MAML2: variants seen among roughly 807,000 people sequenced by gnomAD.
MAML2 encodes the protein mastermind like transcriptional coactivator 2, also known as mastermind-like protein 2.
In MAML2, 22 loss-of-function variants were observed where a neutral mutation model predicts 96.1. The ratio of observed to expected loss-of-function variants is 0.23; its 90% CI spans 0.16 to 0.33. The LOEUF is 0.33. Ranked by LOEUF, MAML2 falls within the 10% of genes least tolerant of loss-of-function variation. The probability of loss-of-function intolerance (pLI) is 1.00; values close to 1 mark genes in which losing one functional copy is unlikely to be tolerated. For synonymous variants in MAML2, 561 were observed against 521.3 expected (o/e 1.08, Z -1.04); for missense variants, 1,367 against 1,392.4 (o/e 0.98, Z 0.29).
rs561067751 is a variant in MAML2 at position 96,012,785 on chromosome 11, C to A, written c.2140-21062G>T. 1.8e-4 allele frequency among the ~76,000 whole-genome samples: 27 copies of A among 152,296 alleles called. 1 individual carries two copies. The South Asian group carries it at 5.6e-3, about 32-fold the overall frequency. On this transcript the variant is annotated intron_variant, in intron 2 of 4. Transcript: ENST00000524717. ...GAAGATACCTTCACTACTGTTTCTA[C>A]ATAAAAATAGCTTCTGTGTTGTCAA... is the stretch of plus-strand genomic sequence containing the variant.
At position 96,235,322 on chromosome 11, in the gene MAML2, A is replaced by G. The variant is rs542103249; in HGVS notation, c.513+106061T>C. 2.6e-5 allele frequency among the ~76,000 whole-genome samples: 4 copies of G among 152,198 alleles called. 1 individual carries two copies. The South Asian group carries it at 6.2e-4, about 24-fold the overall frequency. On this transcript the variant is annotated intron_variant, in intron 1 of 4. Coordinates refer to ENST00000524717, the MANE Select transcript of MAML2 (RefSeq NM_032427.4). ...ACACTCTTTTGTTTATGTATTGTCTATGGCTGCTTTTGGGCTCCAAGGACA... is the reference window on the plus strand; with the variant it reads ...ACACTCTTTTGTTTATGTATTGTCTGTGGCTGCTTTTGGGCTCCAAGGACA...
intron 1 of MAML2, among the ~76,000 whole-genome samples, chr11:96,298,331 T>A (rs994338386): frequency 2.6e-5 from 4 of 152,200 alleles, no homozygotes; most frequent in Non-Finnish European, 5.9e-5. Context: ...ACAGTGAGGA[T>A]GGAATGGCTG....
chr11:96,229,651 A>G lies in MAML2; in HGVS notation c.513+111732T>C, dbSNP rs542009052. 1.7e-4 allele frequency among the ~76,000 whole-genome samples: 26 copies of G among 151,702 alleles called. No individual in the cohort carries two copies. In the South Asian group the frequency reaches 5.2e-3, roughly 30 times the overall value. On this transcript the variant is annotated intron_variant, in intron 1 of 4. Transcript: ENST00000524717. ...GATTGATTCATTTAAGAATTTCTAAATGTTTTCTTCAAACCAACAGAGAAT... is the reference window on the plus strand; with the variant it reads ...GATTGATTCATTTAAGAATTTCTAAGTGTTTTCTTCAAACCAACAGAGAAT...
intron 2 of MAML2, among the ~76,000 whole-genome samples, chr11:96,033,083 A>G (rs1858645319): frequency 6.6e-6 from 1 of 152,338 alleles, no homozygotes. Context: ...TCTACAGCTT[A>G]TTTTACTTCT....
chr11:96,106,401 A>G (rs955716368), intron 1 of MAML2, among the ~76,000 whole-genome samples: 2 of 152,216 alleles, frequency 1.3e-5, no homozygotes, highest in African/African-American at 4.8e-5. Context: ...CTTGAAGCTT[A>G]TCTTTAAACA....
At chr11:95,981,434 C>T (rs552965366) in intron 4 of MAML2, among the ~76,000 whole-genome samples, 64 of 152,278 alleles carry the variant, frequency 4.2e-4, no homozygotes, top group African/African-American at 1.3e-3. Context: ...CTGAGAAATA[C>T]AGAGCTAAAT....
chr11:96,242,828 C>T (rs1025213585), intron 1 of MAML2, among the ~76,000 whole-genome samples: 1 of 152,166 alleles, frequency 6.6e-6, no homozygotes, highest in Admixed American at 6.5e-5. Context: ...CTTAGGTTTA[C>T]CTGTGGAAGC....
At chr11:96,172,640 A>T (rs1319766005) in intron 1 of MAML2, among the ~76,000 whole-genome samples, 1 of 152,260 alleles carries the variant, frequency 6.6e-6, no homozygotes. Context: ...CAATATGAGT[A>T]GTGGAATAAA....
intron 1 of MAML2, among the ~76,000 whole-genome samples, chr11:96,238,093 G>T (rs574895444): frequency 8.6e-4 from 131 of 152,330 alleles, no homozygotes; most frequent in African/African-American, 2.9e-3. Context: ...GTTCTAAAGA[G>T]AATTAGACCT....
intron 1 of MAML2, among the ~76,000 whole-genome samples, chr11:96,218,484 A>G (rs998491242): frequency 1.3e-5 from 2 of 152,178 alleles, no homozygotes; most frequent in African/African-American, 4.8e-5. Flanking sequence ...CTACTATTTT[A>G]AGGCCAGAAT....
In MAML2 at chr11:95,986,051, C is replaced by T. The variant is rs115634654; in HGVS notation, c.2344-409G>A. 2.4e-3 allele frequency among the ~76,000 whole-genome samples: 363 copies of T among 152,316 alleles called. 2 individuals are homozygous for T. Among genetic ancestry groups the T allele is most frequent in the African/African-American group, 8.5e-3 (353 of 41,574 alleles). On this transcript the variant is annotated intron_variant, in intron 3 of 4. Coordinates refer to ENST00000524717, the MANE Select transcript of MAML2 (RefSeq NM_032427.4). ...CCCTCTCTTGTTAAATGAGTGATAG[C>T]TACTTCTTTATTCAATGAGAATAGC...
chr11:96,253,621 C>G (rs147364168), intron 1 of MAML2, among the ~76,000 whole-genome samples: 1 of 152,292 alleles, frequency 6.6e-6, no homozygotes, highest in South Asian at 2.1e-4. Context: ...TCTTCTGAGG[C>G]GCATTTATCT....
intron 1 of MAML2, among the ~76,000 whole-genome samples, chr11:96,295,937 A>AC (rs1273798396): frequency 1.5e-5 from 2 of 137,782 alleles, no homozygotes; most frequent in South Asian, 2.5e-4. Flanking sequence ...CAGAACAGTA[A>AC]ACACACACAC....
intron 1 of MAML2, among the ~76,000 whole-genome samples, chr11:96,199,652 T>C (rs897687087): frequency 6.6e-6 from 1 of 152,162 alleles, no homozygotes; most frequent in Non-Finnish European, 1.5e-5. Flanking sequence ...TGTCAGTACT[T>C]CTGTCTGAGG....
chr11:96,093,814 A>T (rs886068566), intron 1 of MAML2, among the ~76,000 whole-genome samples: 1 of 152,244 alleles, frequency 6.6e-6, no homozygotes, highest in Admixed American at 6.5e-5. Context: ...CAAATATCAT[A>T]AGAAGTTATT....
chr11:96,119,958 ATTTTTTTTTTTTTTTTTGAGACGGAGT>A (rs1860307233), intron 1 of MAML2, among the ~76,000 whole-genome samples: 1 of 135,890 alleles, frequency 7.4e-6, no homozygotes, highest in East Asian at 2.2e-4. Flanking sequence ...GAAGATTCAG[ATTTTTTTTTTTTTTTTTGAGACGGAGT>A]CTCACTCTGT....
chr11:96,156,346 G>A (rs1861011571), intron 1 of MAML2, among the ~76,000 whole-genome samples: 1 of 152,086 alleles, frequency 6.6e-6, no homozygotes, highest in African/African-American at 2.4e-5. Context: ...CCATGGTTTC[G>A]CTGAAGGTCA....
chr11:96,094,501 T>A (rs754624373), intron 1 of MAML2, among the ~76,000 whole-genome samples: 1 of 152,236 alleles, frequency 6.6e-6, no homozygotes, highest in Non-Finnish European at 1.5e-5. Flanking sequence ...GCTTACTACA[T>A]GCTGAAAGGG....
chr11:95,998,796 C>A lies in MAML2; in HGVS notation c.2140-7073G>T, dbSNP rs951244540. ...CATGCTCACAAGTTAAGTAAGCTCA[C>A]AAGGAAGCTGGATGCATGTTTTAAC... is the stretch of plus-strand genomic sequence containing the variant. On this transcript the variant is annotated intron_variant, in intron 2 of 4. Transcript: ENST00000524717. Among the ~76,000 whole-genome samples, 32 of 152,130 alleles carry A rather than the reference C, an allele frequency of 2.1e-4. 1 individual carries two copies. The highest frequency in any genetic ancestry group is 9.8e-4 in the Admixed American group (15 of 15,260).
Sources: gnomAD v4.1 joint callset for allele counts (sites outside exome capture counted in the v4.1 genomes callset) on GRCh38, gnomAD v4.1.1 for gene constraint, MANE v1.5 for transcripts, NCBI Gene and HGNC (gene_info 2026-07-23, HGNC 2026-07-21) for gene names.